WASF3: variants seen among roughly 807,000 people sequenced by gnomAD.
WASF3 encodes the protein WASP family member 3.
In WASF3, 11 loss-of-function variants were observed where a neutral mutation model predicts 46.6. That is an observed-to-expected ratio of 0.24 (90% CI 0.15 to 0.39). The LOEUF (loss-of-function observed/expected upper bound fraction) is 0.39. Among genes scored for constraint, WASF3 ranks in the 10% least tolerant of loss-of-function variants. The probability of loss-of-function intolerance (pLI) is 1.00; values close to 1 mark genes in which losing one functional copy is unlikely to be tolerated. For synonymous variants in WASF3, 242 were observed against 259.7 expected (o/e 0.93, Z 0.65); for missense variants, 576 against 669.8 (o/e 0.86, Z 1.55).
chr13:26,677,018 AT>A (rs1473365818), intron 7 of WASF3, among the ~76,000 whole-genome samples: 2 of 152,214 alleles, frequency 1.3e-5, no homozygotes, highest in African/African-American at 4.8e-5. Context: ...GTAACTGCTT[AT>A]GACTTAAGTT....
Position 26,682,036 on chromosome 13 carries a change from C to A in WASF3, c.984-571C>A, listed in dbSNP as rs970989788. ...GGCCATGCATGCCAAGTCAGGATCCCCAGAGTGGCTTGAGGCTGTGTCAGG... is the reference window on the plus strand; with the variant it reads ...GGCCATGCATGCCAAGTCAGGATCCACAGAGTGGCTTGAGGCTGTGTCAGG... On this transcript the variant is annotated intron_variant, in intron 8 of 9. Transcript: ENST00000335327. The surrounding 1 kb of genome is among the most constrained non-coding windows in gnomAD (Gnocchi z 4.4). 6.6e-6 allele frequency among the ~76,000 whole-genome samples: 1 copy of A among 152,194 alleles called. No individual in the cohort carries two copies. Among genetic ancestry groups the A allele is most frequent in the Non-Finnish European group, 1.5e-5 (1 of 68,032 alleles).
chr13:26,624,199 CTG>C lies in WASF3; in HGVS notation c.-11+11144_-11+11145del, dbSNP rs532667627. The stretch of plus-strand genomic sequence containing the variant: ...CTTAGATATGGGAACTTAAAAATAA[CTG>C]TGATTAATGTATTGAAAAATGTATT... On this transcript the variant is annotated intron_variant, in intron 2 of 9. Transcript: ENST00000335327. Among the ~76,000 whole-genome samples the C allele has an allele frequency of 2.6e-4, 39 of 152,194 alleles. 1 individual carries two copies. The East Asian group carries it at 7.3e-3, about 29-fold the overall frequency.
chr13:26,643,194 C>T (rs1882051879), intron 3 of WASF3, among the ~76,000 whole-genome samples: 1 of 152,102 alleles, frequency 6.6e-6, no homozygotes, highest in South Asian at 2.1e-4. Context: ...CTTGTTTTCT[C>T]ACTTCATCCT....
At chr13:26,630,762 T>G (rs1365698034) in intron 2 of WASF3, among the ~76,000 whole-genome samples, 1 of 152,238 alleles carries the variant, frequency 6.6e-6, no homozygotes, top group Non-Finnish European at 1.5e-5. Flanking sequence ...TTGAACTAAT[T>G]TACACTCCCA....
At chr13:26,646,298 TTA>T (rs1343251491) in intron 3 of WASF3, among the ~76,000 whole-genome samples, 1 of 152,256 alleles carries the variant, frequency 6.6e-6, no homozygotes, top group Non-Finnish European at 1.5e-5. Flanking sequence ...AGGAATGTTT[TTA>T]TGTTATTTTT....
chr13:26,642,549 C>T (rs1882030803), intron 3 of WASF3, 146 bp downstream of exon 3: 1 of 1,001,670 alleles, frequency 1.0e-6, no homozygotes, highest in Admixed American at 3.1e-5. Flanking sequence ...TGAAATTGAC[C>T]ACTGCACCTG....
rs550136677 is a variant in WASF3 at position 26,581,293 on chromosome 13, T to C, written c.-109+23474T>C. On this transcript the variant is annotated intron_variant, in intron 1 of 9. Coordinates refer to ENST00000335327, the MANE Select transcript of WASF3 (RefSeq NM_006646.6). ...GTTGTGATAAAATGAGGAAACCATA[T>C]GTGAATGGATGGAATGTGGTGTCTT... Among the ~76,000 whole-genome samples the C allele has an allele frequency of 3.2e-4, 49 of 152,264 alleles. 2 individuals are homozygous for C. Among genetic ancestry groups the C allele is most frequent in the African/African-American group, 1.2e-3 (48 of 41,548 alleles).
intron 3 of WASF3, among the ~76,000 whole-genome samples, chr13:26,656,625 C>T (rs1882474680): frequency 6.6e-6 from 1 of 151,792 alleles, no homozygotes; most frequent in Non-Finnish European, 1.5e-5. Flanking sequence ...AAAAAAAAGT[C>T]TTATCATTCT....
chr13:26,554,133 T>TTCTG (rs1879044629), upstream of WASF3, among the ~76,000 whole-genome samples: 1 of 146,552 alleles, frequency 6.8e-6, no homozygotes, highest in Non-Finnish European at 1.5e-5. Flanking sequence ...CTTTCTTTCT[T>TTCTG]TCTTTCTTTC....
intron 2 of WASF3, among the ~76,000 whole-genome samples, chr13:26,634,052 C>T (rs1283671383): frequency 6.6e-6 from 1 of 152,038 alleles, no homozygotes; most frequent in Admixed American, 6.6e-5. Context: ...CCTTGTTAAC[C>T]TTCTGTCTCG....
rs746918225 is a variant in WASF3, at chr13:26,682,649, A to ACCACCTCCTCCG, written c.1038_1049dup (p.Pro347_Pro350dup). Reference sequence around the variant, plus strand: ...TAATTGAGTATTACAACCCATCCGGACCACCTCCTCCGCCACCTCCTCCTG... The same window carrying ACCACCTCCTCCG: ...TAATTGAGTATTACAACCCATCCGGACCACCTCCTCCGCCACCTCCTCCGCCACCTCCTCCTG... On this transcript the variant is annotated inframe_insertion, in exon 9 of 10. Coordinates refer to ENST00000335327, the MANE Select transcript of WASF3 (RefSeq NM_006646.6). The surrounding 1 kb of genome is among the most constrained non-coding windows in gnomAD (Gnocchi z 4.4). 3 of 1,614,036 alleles carry ACCACCTCCTCCG rather than the reference A, an allele frequency of 1.9e-6. No homozygotes were observed. Among genetic ancestry groups the ACCACCTCCTCCG allele is most frequent in the Admixed American group, 3.3e-5 (2 of 59,996 alleles).
chr13:26,577,925 C>T (rs948817349), intron 1 of WASF3, among the ~76,000 whole-genome samples: 6 of 152,160 alleles, frequency 3.9e-5, no homozygotes, highest in African/African-American at 1.4e-4. Context: ...TTTGTAGTCA[C>T]TACAGTTGAT....
intron 1 of WASF3, among the ~76,000 whole-genome samples, chr13:26,583,389 A>G (rs1593379547): frequency 6.6e-6 from 1 of 152,314 alleles, no homozygotes; most frequent in East Asian, 1.9e-4. Flanking sequence ...ATTCTAGTCT[A>G]GGGCTCCTTC....
Position 26,682,884 on chromosome 13 carries a change from G to C in WASF3, c.1261G>C (p.Gly421Arg). 6.2e-7 allele frequency: 1 copy of C among 1,611,294 alleles called. No individual in the cohort carries two copies. Among genetic ancestry groups the C allele is most frequent in the Non-Finnish European group, 8.5e-7 (1 of 1,179,840 alleles). ...GSSLSSSPMH[G>R]PPVAEAKRQE... ...TTCTCTTTCGTCCTCCCCAATGCATGGCCCCCCAGTAGCTGAGGCGAAGCG... is the reference window on the plus strand; with the variant it reads ...TTCTCTTTCGTCCTCCCCAATGCATCGCCCCCCAGTAGCTGAGGCGAAGCG... The change falls in exon 9 of 10, where the codon GGC becomes CGC. Residue 421 changes from glycine (G) to arginine (R), a missense_variant. Gly to Arg is a moderately radical substitution (Grantham distance 125). This residue lies in a region of WASF3 where 295 missense variants were observed against 291.5 expected (regional missense o/e 1.01). Transcript: ENST00000335327. The surrounding 1 kb of genome is among the most constrained non-coding windows in gnomAD (Gnocchi z 4.4).
At chr13:26,570,950 G>T (rs1039108567) in intron 1 of WASF3, among the ~76,000 whole-genome samples, 7 of 152,128 alleles carry the variant, frequency 4.6e-5, no homozygotes, top group African/African-American at 1.7e-4. Context: ...TTTATAGCCT[G>T]CTAGTTAGAG....
chr13:26,671,744 T>C, intron 5 of WASF3, 128 bp from the exon 6 acceptor site: 1 of 601,670 alleles, frequency 1.7e-6, no homozygotes, highest in Non-Finnish European at 2.8e-6. Context: ...ACTTAATATG[T>C]GTAGGAGAGT....
At chr13:26,562,021 A>C (rs1316550762) in intron 1 of WASF3, among the ~76,000 whole-genome samples, 2 of 152,224 alleles carry the variant, frequency 1.3e-5, no homozygotes, top group East Asian at 3.8e-4. Flanking sequence ...TTGTTAGGAC[A>C]TTAAGTACTT....
At chr13:26,635,901 C>T (rs933317799) in intron 2 of WASF3, among the ~76,000 whole-genome samples, 8 of 152,220 alleles carry the variant, frequency 5.3e-5, no homozygotes, top group Non-Finnish European at 1.0e-4. Flanking sequence ...AGAGGGGCAT[C>T]CGCCTGTATG....
intron 2 of WASF3, among the ~76,000 whole-genome samples, chr13:26,631,431 C>T (rs1881649086): frequency 6.6e-6 from 1 of 152,162 alleles, no homozygotes; most frequent in Non-Finnish European, 1.5e-5. Flanking sequence ...AATAGGGAAT[C>T]CTTTCTCCAT....
Sources: allele counts gnomAD v4.1 joint callset (sites outside exome capture counted in the v4.1 genomes callset), GRCh38; gene constraint gnomAD v4.1.1; regional missense constraint gnomAD v4.1.1; non-coding constraint Gnocchi (gnomAD v3.1); transcripts MANE v1.5; gene names NCBI Gene and HGNC (gene_info 2026-07-23, HGNC 2026-07-21).